Variants in ZNF676 observed in about 807,000 individuals in gnomAD.
The protein encoded by ZNF676 is zinc finger protein 676.
ZNF676 carries 4 observed loss-of-function variants against 6.0 expected under a neutral mutation model. The observed-to-expected ratio is 0.67, with a 90% confidence interval of 0.33 to 1.53. The LOEUF (loss-of-function observed/expected upper bound fraction) is 1.53, where lower values mean the gene tolerates loss of function less well. Ranked by LOEUF, ZNF676 falls within the 40% of genes most tolerant of loss-of-function variation. The pLI, the probability that ZNF676 is intolerant of heterozygous loss-of-function variation, is 0.06. For missense variants in ZNF676, 644 were observed against 679.7 expected, an observed-to-expected ratio of 0.95 and a Z score of 0.58; for synonymous variants, 198 against 223.1, an observed-to-expected ratio of 0.89 and a Z score of 1.00.
chr19:22,259,698 T>C, the ZNF676 span: 1 of 152,204 alleles, frequency 6.6e-6, no homozygotes, highest in Non-Finnish European at 1.5e-5. Flanking sequence ...TATGTCACGA[T>C]GATCTCTGTG....
intron 1 of ZNF676, among the ~76,000 whole-genome samples, chr19:22,212,874 A>T (rs539118701): frequency 6.6e-6 from 1 of 152,170 alleles, no homozygotes; most frequent in African/African-American, 2.4e-5. Flanking sequence ...GCACGCCTGT[A>T]GTCCCAGCTA....
At chr19:22,237,283 G>C in the ZNF676 span, among the ~76,000 whole-genome samples, 2 of 152,092 alleles carry the variant, frequency 1.3e-5, no homozygotes, top group Non-Finnish European at 2.9e-5. Flanking sequence ...ACTATTAGAA[G>C]CTTTTTTAAC....
intron 1 of ZNF676, among the ~76,000 whole-genome samples, chr19:22,207,349 A>G (rs1160641846): frequency 6.6e-6 from 1 of 152,266 alleles, no homozygotes; most frequent in African/African-American, 2.4e-5. Context: ...CACAACTGCC[A>G]CAGAAAAGAA....
In ZNF676 at chr19:22,193,112, C is replaced by A; in HGVS notation, c.35-1G>T. 6.3e-7 allele frequency: 1 copy of A among 1,590,600 alleles called. No individual in the cohort carries two copies. The highest frequency in any genetic ancestry group is 8.5e-7 in the Non-Finnish European group (1 of 1,171,086). On this transcript the variant is annotated splice_acceptor_variant, in intron 1 of 2. Coordinates refer to ENST00000397121, the MANE Select transcript of ZNF676 (RefSeq NM_001001411.3). LOFTEE classifies it high-confidence loss of function. ...AGGTCTGGCTTAAAGGCAGCAATAC[C>A]TGTTTTATTAAAAATGAACAACATC... is the stretch of plus-strand genomic sequence containing the variant.
chr19:22,182,186 A>T (rs2023765464), intron 2 of ZNF676, among the ~76,000 whole-genome samples: 1 of 152,130 alleles, frequency 6.6e-6, no homozygotes, highest in Non-Finnish European at 1.5e-5. Context: ...GTCTCTTTTA[A>T]CTAAAAATAA....
At chr19:22,248,611 G>A in the ZNF676 span, among the ~76,000 whole-genome samples, 50 of 152,236 alleles carry the variant, frequency 3.3e-4, no homozygotes, top group Admixed American at 1.0e-3. Context: ...TTTCACTGGC[G>A]TCCCTGAGCT....
intron 2 of ZNF676, among the ~76,000 whole-genome samples, chr19:22,183,866 G>T (rs2145788647): frequency 6.6e-6 from 1 of 152,164 alleles, no homozygotes; most frequent in East Asian, 1.9e-4. Flanking sequence ...AAGAGACAAA[G>T]AAAGATATTA....
At chr19:22,205,017 C>A (rs954553579) in intron 1 of ZNF676, among the ~76,000 whole-genome samples, 1 of 152,046 alleles carries the variant, frequency 6.6e-6, no homozygotes, top group African/African-American at 2.4e-5. Flanking sequence ...TTTTCTCTTA[C>A]AAAAGCCAGG....
At chr19:22,247,013 C>T in the ZNF676 span, among the ~76,000 whole-genome samples, 2 of 152,128 alleles carry the variant, frequency 1.3e-5, no homozygotes, top group Non-Finnish European at 2.9e-5. Flanking sequence ...GATTAAAAGC[C>T]CTTTTCAGTA....
chr19:22,215,804 C>A (rs536123462), upstream of ZNF676: 37 of 684,278 alleles, frequency 5.4e-5, no homozygotes, highest in Middle Eastern at 7.5e-4. Flanking sequence ...CTGTCCCCCC[C>A]CCCAGCTGCC....
chr19:22,206,112 T>C (rs1290944464), intron 1 of ZNF676, among the ~76,000 whole-genome samples: 1 of 150,384 alleles, frequency 6.6e-6, no homozygotes, highest in Non-Finnish European at 1.5e-5. Flanking sequence ...CCTAAATAGA[T>C]AGATAAGCTC....
chr19:22,235,348 C>A, the ZNF676 span, among the ~76,000 whole-genome samples: 13 of 152,158 alleles, frequency 8.5e-5, no homozygotes, highest in Admixed American at 2.0e-4. Flanking sequence ...TTTTCTGGAC[C>A]ACACTCAGAA....
chr19:22,188,083 C>A (rs1323547094), intron 2 of ZNF676, among the ~76,000 whole-genome samples: 6 of 152,102 alleles, frequency 3.9e-5, no homozygotes, highest in Admixed American at 3.9e-4. Flanking sequence ...AGGCCAATAT[C>A]CCTGATGAAC....
the ZNF676 span, among the ~76,000 whole-genome samples, chr19:22,239,197 ATTTTTTT>A: frequency 3.1e-5 from 4 of 130,098 alleles, no homozygotes; most frequent in Non-Finnish European, 4.8e-5. Context: ...CCAACTGTGA[ATTTTTTT>A]TTTTTTTTTT....
intron 1 of ZNF676, among the ~76,000 whole-genome samples, chr19:22,207,912 C>T (rs2024091739): frequency 6.6e-6 from 1 of 151,350 alleles, no homozygotes; most frequent in African/African-American, 2.4e-5. Flanking sequence ...GAAACTGGAC[C>T]CTTTTATAAC....
chr19:22,234,424 C>A, the ZNF676 span, among the ~76,000 whole-genome samples: 2 of 152,132 alleles, frequency 1.3e-5, no homozygotes, highest in Non-Finnish European at 2.9e-5. Flanking sequence ...ACATATATAC[C>A]ACATCCATTT....
the ZNF676 span, among the ~76,000 whole-genome samples, chr19:22,235,754 T>C: frequency 1.3e-5 from 2 of 152,142 alleles, no homozygotes; most frequent in African/African-American, 2.4e-5. Flanking sequence ...AATAAGATTA[T>C]GACACAAAGC....
the ZNF676 span, among the ~76,000 whole-genome samples, chr19:22,245,515 C>T: frequency 1.2e-4 from 14 of 115,526 alleles, no homozygotes; most frequent in South Asian, 1.1e-3. Context: ...CCCCCCCCCC[C>T]ACCCCCAATA....
At chr19:22,226,778 T>C in the ZNF676 span, among the ~76,000 whole-genome samples, 20 of 152,188 alleles carry the variant, frequency 1.3e-4, no homozygotes, top group African/African-American at 4.1e-4. Flanking sequence ...TTTGTATTTT[T>C]AGTAGAGACG....
Sources: gnomAD v4.1 joint callset for allele counts (sites outside exome capture counted in the v4.1 genomes callset) on GRCh38, gnomAD v4.1.1 for gene constraint, MANE v1.5 for transcripts, NCBI Gene and HGNC (gene_info 2026-07-23, HGNC 2026-07-21) for gene names.